The following HLCS variants were observed in gnomAD, a reference collection of about 807,000 sequenced individuals.
HLCS encodes biotin--protein ligase.
A neutral mutation model predicts 75.0 loss-of-function variants in HLCS; 53 were observed. The observed-to-expected ratio is 0.71, with a 90% confidence interval of 0.57 to 0.89. HLCS has a LOEUF of 0.89. Ranked by LOEUF, HLCS falls within the 40% of genes least tolerant of loss-of-function variation. HLCS has a pLI of 0.00. For missense variants in HLCS, 966 were observed against 1,074.0 expected (o/e 0.90, Z 1.41); for synonymous variants, 431 against 428.6 (o/e 1.01, Z -0.07).
chr21:36,957,740 T>G (rs1809085219), intron 2 of HLCS, among the ~76,000 whole-genome samples: 1 of 147,804 alleles, frequency 6.8e-6, no homozygotes, highest in South Asian at 2.2e-4. Flanking sequence ...TCATCCCGAC[T>G]AACATGGTGA....
intron 6 of HLCS, among the ~76,000 whole-genome samples, chr21:36,870,433 A>G (rs1601577875): frequency 6.6e-6 from 1 of 152,330 alleles, no homozygotes; most frequent in Admixed American, 6.5e-5. Context: ...ATTTTCACTT[A>G]TATGAGCATA....
intron 5 of HLCS, among the ~76,000 whole-genome samples, chr21:36,912,328 T>C (rs2065754863): frequency 6.6e-6 from 1 of 150,704 alleles, no homozygotes; most frequent in Non-Finnish European, 1.5e-5. Context: ...GAAGTTCTGA[T>C]ACATGTTATA....
At chr21:36,789,536 C>T (rs542486308) in intron 6 of HLCS, among the ~76,000 whole-genome samples, 42 of 152,268 alleles carry the variant, frequency 2.8e-4, no homozygotes, top group Middle Eastern at 6.8e-3. Flanking sequence ...TGTATCAAGA[C>T]AATCACAAAT....
intron 1 of HLCS, among the ~76,000 whole-genome samples, chr21:36,989,031 T>G (rs1339497425): frequency 4.5e-5 from 6 of 132,562 alleles, no homozygotes; most frequent in African/African-American, 1.8e-4. Context: ...TTTTATTTTA[T>G]TTATTTATTT....
At chr21:36,838,561 G>A (rs527492845) in intron 6 of HLCS, among the ~76,000 whole-genome samples, 32 of 152,100 alleles carry the variant, frequency 2.1e-4, no homozygotes, top group Admixed American at 5.9e-4. Flanking sequence ...AAAATTAGCC[G>A]GGAGAGGTGA....
intron 4 of HLCS, among the ~76,000 whole-genome samples, chr21:36,930,682 A>T (rs1359711302): frequency 6.6e-6 from 1 of 152,126 alleles, no homozygotes; most frequent in Non-Finnish European, 1.5e-5. Context: ...CCAAGTGAGC[A>T]CATCACACCC....
chr21:36,865,946 G>A (rs904496319), intron 6 of HLCS, among the ~76,000 whole-genome samples: 1 of 152,168 alleles, frequency 6.6e-6, no homozygotes, highest in African/African-American at 2.4e-5. Context: ...TAAAACTGCT[G>A]TATTTAATTT....
chr21:36,937,349 C>A lies in HLCS; in HGVS notation c.537G>T (p.Gln179His). Residue 179 changes from glutamine (Q) to histidine (H), a missense_variant, in exon 4 of 11, where the codon CAG (glutamine) becomes CAT (histidine). Transcript: ENST00000674895. The part of the protein sequence containing the change: ...QDSTLKEVKD[Q>H]VSNKQAQILE... ...GGATCTGGGCTTGCTTGTTTGAGACCTGATCCTTAACTTCCTTCAGAGTGG... is the reference window on the plus strand; with the variant it reads ...GGATCTGGGCTTGCTTGTTTGAGACATGATCCTTAACTTCCTTCAGAGTGG... 1.2e-6 allele frequency: 2 copies of A among 1,614,022 alleles called. No homozygotes were observed. The highest frequency in any genetic ancestry group is 1.7e-6 in the Non-Finnish European group (2 of 1,180,044).
At chr21:36,933,989 T>C (rs563205500) in intron 4 of HLCS, among the ~76,000 whole-genome samples, 1 of 152,102 alleles carries the variant, frequency 6.6e-6, no homozygotes, top group East Asian at 1.9e-4. Flanking sequence ...TTCACTGTCT[T>C]AGGGTTTCAA....
intron 5 of HLCS, among the ~76,000 whole-genome samples, chr21:36,925,162 C>T (rs537130698): frequency 6.6e-6 from 1 of 152,158 alleles, no homozygotes; most frequent in African/African-American, 2.4e-5. Context: ...TTTTTAAGTA[C>T]GTATTACCCA....
At chr21:36,939,810 CT>C (rs906203722) in intron 2 of HLCS, among the ~76,000 whole-genome samples, 1 of 152,196 alleles carries the variant, frequency 6.6e-6, no homozygotes, top group African/African-American at 2.4e-5. Context: ...TCAAAGGCAA[CT>C]AATCATCACT....
At chr21:36,762,868 C>T (rs1217124276) in intron 8 of HLCS, among the ~76,000 whole-genome samples, 1 of 152,184 alleles carries the variant, frequency 6.6e-6, no homozygotes, top group Admixed American at 6.5e-5. Flanking sequence ...AAAGAATGCT[C>T]GCTAAGGGAA....
chr21:36,874,380 C>T (rs1354047169), intron 6 of HLCS, among the ~76,000 whole-genome samples: 2 of 148,212 alleles, frequency 1.3e-5, no homozygotes, highest in Admixed American at 6.8e-5. Context: ...CCAGCCTGAG[C>T]GACAGAGCGA....
At chr21:36,980,927 C>G (rs2069104925) in intron 1 of HLCS, 1 of 152,950 alleles carries the variant, frequency 6.5e-6, no homozygotes, top group South Asian at 2.1e-4. Flanking sequence ...TCCCGCTGCC[C>G]TTCTCCACTG....
At chr21:36,878,807 C>T (rs2064086871) in intron 6 of HLCS, among the ~76,000 whole-genome samples, 2 of 152,134 alleles carry the variant, frequency 1.3e-5, no homozygotes, top group South Asian at 4.1e-4. Flanking sequence ...GAACATAGTA[C>T]ATTACGATTT....
At chr21:36,894,056 G>A (rs1362232775) in intron 6 of HLCS, among the ~76,000 whole-genome samples, 1 of 152,202 alleles carries the variant, frequency 6.6e-6, no homozygotes, top group African/African-American at 2.4e-5. Context: ...GATCGTAGAG[G>A]TGGATATTCC....
At chr21:36,856,752 T>C (rs577539256) in intron 6 of HLCS, among the ~76,000 whole-genome samples, 1 of 152,130 alleles carries the variant, frequency 6.6e-6, no homozygotes, top group African/African-American at 2.4e-5. Flanking sequence ...GAAAACCACA[T>C]CTAGGGATCA....
chr21:36,816,395 C>CAAAA (rs34407031), intron 6 of HLCS, among the ~76,000 whole-genome samples: 2 of 142,044 alleles, frequency 1.4e-5, no homozygotes, highest in Non-Finnish European at 3.1e-5. Flanking sequence ...GACCCTATCT[C>CAAAA]AAAAAAAAAA....
chr21:36,987,465 T>G (rs2069248915), intron 1 of HLCS, among the ~76,000 whole-genome samples: 1 of 151,948 alleles, frequency 6.6e-6, no homozygotes, highest in African/African-American at 2.4e-5. Context: ...ATACAAAAAT[T>G]AGCCAGGTGT....
Sources: allele counts gnomAD v4.1 joint callset (sites outside exome capture counted in the v4.1 genomes callset), GRCh38; gene constraint gnomAD v4.1.1; transcripts MANE v1.5; gene names NCBI Gene and HGNC (gene_info 2026-07-23, HGNC 2026-07-21).